IGSF3: variants seen among roughly 807,000 people sequenced by gnomAD.
IGSF3 encodes immunoglobulin superfamily member 3.
IGSF3 carries 23 observed loss-of-function variants against 114.4 expected under a neutral mutation model. That is an observed-to-expected ratio of 0.20 (90% CI 0.14 to 0.28). IGSF3 has a LOEUF of 0.28. Ranked by LOEUF, IGSF3 falls within the 10% of genes least tolerant of loss-of-function variation. The pLI is 1.00. For missense variants in IGSF3, 1,172 were observed against 1,591.5 expected (o/e 0.74, Z 4.48); for synonymous variants, 571 against 645.2 (o/e 0.88, Z 1.74).
At chr1:116,663,869 T>G (rs1649222106) in intron 2 of IGSF3, among the ~76,000 whole-genome samples, 1 of 152,206 alleles carries the variant, frequency 6.6e-6, no homozygotes, top group Non-Finnish European at 1.5e-5. Context: ...TTAAACAAAA[T>G]TTTATTCCAG....
At chr1:116,608,872 T>C (rs1248675215) in intron 4 of IGSF3, among the ~76,000 whole-genome samples, 1 of 152,068 alleles carries the variant, frequency 6.6e-6, no homozygotes, top group Non-Finnish European at 1.5e-5. Context: ...CCCCCCGCCA[T>C]GTGAATACTA....
chr1:116,597,539 G>A (rs2101410924), intron 7 of IGSF3, among the ~76,000 whole-genome samples: 1 of 152,296 alleles, frequency 6.6e-6, no homozygotes, highest in Middle Eastern at 3.4e-3. Context: ...GGCCATAAAA[G>A]TATATTACTG....
chr1:116,615,050 G>A lies in IGSF3; in HGVS notation c.422-875C>T, dbSNP rs542104526. Among the ~76,000 whole-genome samples the A allele has an allele frequency of 2.5e-3, 387 of 152,066 alleles. 2 individuals carry two copies. Among genetic ancestry groups the A allele is most frequent in the Admixed American group, 4.1e-3 (62 of 15,272 alleles). On this transcript the variant is annotated intron_variant, in intron 3 of 10. Transcript: ENST00000369486. The surrounding 1 kb of genome is among the most constrained non-coding windows in gnomAD (Gnocchi z 4.3). ...AACACTTTGGGAGGGTGAGGGAGGCGGATCACCTGAGGTCGGGAGTTCGAG... is the reference window on the plus strand; with the variant it reads ...AACACTTTGGGAGGGTGAGGGAGGCAGATCACCTGAGGTCGGGAGTTCGAG...
chr1:116,584,978 CA>C lies in IGSF3; in HGVS notation c.2514del (p.Cys838TrpfsTer9). On this transcript the variant is annotated frameshift_variant, in exon 9 of 11. Transcript: ENST00000369486. LOFTEE classifies it high-confidence loss of function. This position sits in a 1 kb window ranked among gnomAD's most constrained non-coding sequence, Gnocchi z 5.8. ...VLETRQVQLECVVLNRTSITS... is the reference protein window; with the variant it reads ...VLETRQVQLEXVVLNRTSITS... ...GTTATGCTGGTGCGGTTGAGAACCA[CA>C]CACTCCAGCTGTACCTGCCGGGTCT... is the stretch of plus-strand genomic sequence containing the variant. The C allele has an allele frequency of 6.2e-7, 1 of 1,601,870 alleles. No homozygotes were observed. The highest frequency in any genetic ancestry group is 1.1e-5 in the South Asian group (1 of 90,000).
intron 2 of IGSF3, among the ~76,000 whole-genome samples, chr1:116,637,058 T>A (rs920816999): frequency 1.3e-5 from 2 of 152,156 alleles, no homozygotes; most frequent in African/African-American, 4.8e-5. Context: ...CCACCCTCAC[T>A]GATCACAGAC....
In IGSF3 at chr1:116,661,233, C is replaced by G. The variant is rs796575024; in HGVS notation, c.43+5051G>C. Among the ~76,000 whole-genome samples, 1 of 152,142 alleles carries G rather than the reference C, an allele frequency of 6.6e-6. No homozygotes were observed. Among genetic ancestry groups the G allele is most frequent in the Non-Finnish European group, 1.5e-5 (1 of 68,024 alleles). ...GCGTGAACCCAGCAGGCGGAGGTTA[C>G]GGTGAGCCAAGATCGTGCCACTGCA... is the stretch of plus-strand genomic sequence containing the variant. On this transcript the variant is annotated intron_variant, in intron 2 of 10. Coordinates refer to ENST00000369486, the MANE Select transcript of IGSF3 (RefSeq NM_001007237.3). This position sits in a 1 kb window ranked among gnomAD's most constrained non-coding sequence, Gnocchi z 4.0.
At position 116,575,747 on chromosome 1, in the gene IGSF3, G is replaced by A. The variant is rs992387510; in HGVS notation, c.*1565C>T. ...GAACATCTTCATAAAGGGAGCAAAA[G>A]GAAATATTTGCAATTGATGATGCCC... On this transcript the variant is annotated 3_prime_UTR_variant, in exon 11 of 11. Coordinates refer to ENST00000369486, the MANE Select transcript of IGSF3 (RefSeq NM_001007237.3). The surrounding 1 kb of genome is among the most constrained non-coding windows in gnomAD (Gnocchi z 5.6). 1 of 152,228 alleles carries A rather than the reference G, an allele frequency of 6.6e-6. No homozygotes were observed. Among genetic ancestry groups the A allele is most frequent in the Non-Finnish European group, 1.5e-5 (1 of 68,054 alleles). 9.4% of individuals were successfully genotyped at this position (152,228 alleles called of 1,614,324 possible).
In IGSF3 at chr1:116,608,868, G is replaced by A. The variant is rs1832085; in HGVS notation, c.833-537C>T. Among the ~76,000 whole-genome samples the A allele has an allele frequency of 4.6e-5, 7 of 152,068 alleles. No individual in the cohort carries two copies. In the South Asian group the frequency reaches 6.2e-4, roughly 14 times the overall value. On this transcript the variant is annotated intron_variant, in intron 4 of 10. Transcript: ENST00000369486. ...TATTAAAATTCCCTCTCTACCCCCC[G>A]CCATGTGAATACTAGAAATAAGATG...
In IGSF3 at chr1:116,593,451, A is replaced by G. The variant is rs1253240639; in HGVS notation, c.2030-4347T>C. ...AGTAATGCTAGAGATAGAGGCGGCCAGTGGCTGCGGCAGGAGATGTTTCAA... is the reference window on the plus strand; with the variant it reads ...AGTAATGCTAGAGATAGAGGCGGCCGGTGGCTGCGGCAGGAGATGTTTCAA... On this transcript the variant is annotated intron_variant, in intron 7 of 10. Transcript: ENST00000369486. This position sits in a 1 kb window ranked among gnomAD's most constrained non-coding sequence, Gnocchi z 4.5. 6.6e-6 allele frequency among the ~76,000 whole-genome samples: 1 copy of G among 152,220 alleles called. No individual in the cohort carries two copies. The highest frequency in any genetic ancestry group is 1.5e-5 in the Non-Finnish European group (1 of 68,038).
Position 116,647,217 on chromosome 1 carries a change from G to A in IGSF3, c.43+19067C>T, listed in dbSNP as rs1444929716. 5.9e-5 allele frequency among the ~76,000 whole-genome samples: 9 copies of A among 152,344 alleles called. No homozygotes were observed. The East Asian group carries it at 9.6e-4, about 16-fold the overall frequency. ...GCTGAGGAATCACCTCACTGCTGCC[G>A]ATGCCCTTGACAGCGATGTCTGAGG... On this transcript the variant is annotated intron_variant, in intron 2 of 10. Transcript: ENST00000369486. The surrounding 1 kb of genome is among the most constrained non-coding windows in gnomAD (Gnocchi z 4.6).
At position 116,662,116 on chromosome 1, in the gene IGSF3, G is replaced by A. The variant is rs1460465296; in HGVS notation, c.43+4168C>T. The stretch of plus-strand genomic sequence containing the variant: ...AGACAGAGTTTTGCTCATTGCCCAG[G>A]CTGGAGTGCAACGGCGCGATCTCGG... On this transcript the variant is annotated intron_variant, in intron 2 of 10. Transcript: ENST00000369486. The surrounding 1 kb of genome is among the most constrained non-coding windows in gnomAD (Gnocchi z 4.3). 1.3e-5 allele frequency among the ~76,000 whole-genome samples: 2 copies of A among 152,038 alleles called. No homozygotes were observed. The highest frequency in any genetic ancestry group is 6.5e-5 in the Admixed American group (1 of 15,268).
rs1659797376 is a variant in IGSF3, at chr1:116,585,429, C to T, written c.2441-377G>A. Among the ~76,000 whole-genome samples, 1 of 152,096 alleles carries T rather than the reference C, an allele frequency of 6.6e-6. No homozygotes were observed. Among genetic ancestry groups the T allele is most frequent in the African/African-American group, 2.4e-5 (1 of 41,400 alleles). On this transcript the variant is annotated intron_variant, in intron 8 of 10. Transcript: ENST00000369486. This position sits in a 1 kb window ranked among gnomAD's most constrained non-coding sequence, Gnocchi z 4.9. The stretch of plus-strand genomic sequence containing the variant: ...GGCGGGGGAAGGGGATGGTGAGAAA[C>T]CTCTGAAAAGCAAGAGTAAACTTTT...
At chr1:116,590,371 GA>G (rs1332127076) in intron 7 of IGSF3, among the ~76,000 whole-genome samples, 3,812 of 134,172 alleles carry the variant, frequency 0.028, 160 homozygotes, top group African/African-American at 0.097. Context: ...TACTAAAAAT[GA>G]AAAAAAAAAA....
intron 10 of IGSF3, among the ~76,000 whole-genome samples, chr1:116,578,820 CA>C (rs1429604649): frequency 8.5e-5 from 13 of 152,272 alleles, no homozygotes; most frequent in Middle Eastern, 3.4e-3. Flanking sequence ...CCCTCAGGAT[CA>C]TGGAAACTGC....
intron 2 of IGSF3, among the ~76,000 whole-genome samples, chr1:116,641,852 CTT>C (rs879719145): frequency 1.7e-4 from 24 of 143,320 alleles, no homozygotes; most frequent in Middle Eastern, 3.7e-3. Flanking sequence ...AGATTTCTTT[CTT>C]TTTTTTTTTT....
In IGSF3 at chr1:116,625,659, A is replaced by G. The variant is rs1244213915; in HGVS notation, c.44-9202T>C. Among the ~76,000 whole-genome samples the G allele has an allele frequency of 6.6e-6, 1 of 152,224 alleles. No individual in the cohort carries two copies. The highest frequency in any genetic ancestry group is 1.5e-5 in the Non-Finnish European group (1 of 68,028). Reference sequence around the variant, plus strand: ...GCAGGACTGGAAGCAGACAGACCAAATTCACAGTCAAATGCGACAAGATGA... The same window carrying G: ...GCAGGACTGGAAGCAGACAGACCAAGTTCACAGTCAAATGCGACAAGATGA... On this transcript the variant is annotated intron_variant, in intron 2 of 10. Coordinates refer to ENST00000369486, the MANE Select transcript of IGSF3 (RefSeq NM_001007237.3). This position sits in a 1 kb window ranked among gnomAD's most constrained non-coding sequence, Gnocchi z 4.7.
Position 116,577,130 on chromosome 1 carries a change from C to T in IGSF3, c.*182G>A, listed in dbSNP as rs1659380485. 1.6e-6 allele frequency: 1 copy of T among 627,024 alleles called. No homozygotes were observed. The highest frequency in any genetic ancestry group is 3.0e-5 in the Admixed American group (1 of 33,084). The allele number at this position is 627,024 out of a possible 1,614,324, so 38.8% of individuals were successfully genotyped here. A position where few individuals can be genotyped will look rare whatever the true frequency, so the allele number is the denominator to read the frequency against. ...CATTTGCGCGCAAATAGCTAACCAA[C>T]CAAGACTGCCACCGAGAGGCAGTCT... On this transcript the variant is annotated 3_prime_UTR_variant, in exon 11 of 11. Coordinates refer to ENST00000369486, the MANE Select transcript of IGSF3 (RefSeq NM_001007237.3). This position sits in a 1 kb window ranked among gnomAD's most constrained non-coding sequence, Gnocchi z 5.7.
rs755367714 is a variant in IGSF3 at position 116,616,153 on chromosome 1, C to T, written c.348G>A (p.Gly116=). The T allele has an allele frequency of 1.9e-5, 30 of 1,613,734 alleles. No individual in the cohort carries two copies. The highest frequency in any genetic ancestry group is 2.3e-5 in the Non-Finnish European group (27 of 1,179,762). The change falls in exon 3 of 11, where the codon GGG becomes GGA. Residue 116 remains glycine (G), a synonymous_variant. Coordinates refer to ENST00000369486, the MANE Select transcript of IGSF3 (RefSeq NM_001007237.3). This position sits in a 1 kb window ranked among gnomAD's most constrained non-coding sequence, Gnocchi z 6.6. Reference sequence around the variant, plus strand: ...TGCTGGGTGTGTGGCATTCATACTCCCCGGCATCCCGGGCCTGAAGATCTG... The same window carrying T: ...TGCTGGGTGTGTGGCATTCATACTCTCCGGCATCCCGGGCCTGAAGATCTG... ...HITDLQARDA[G]EYECHTPSTD... is the part of the protein sequence containing the mutation.
At position 116,600,476 on chromosome 1, in the gene IGSF3, T is replaced by C; in HGVS notation, c.1625-131A>G. ...GGCTCTCGGAGCCCCTTTTGAGCTC[T>C]CAGGCTAGTGTTGCTTTTAGTATCC... On this transcript the variant is annotated intron_variant, in intron 6 of 10. Coordinates refer to ENST00000369486, the MANE Select transcript of IGSF3 (RefSeq NM_001007237.3). This position sits in a 1 kb window ranked among gnomAD's most constrained non-coding sequence, Gnocchi z 5.5. The C allele has an allele frequency of 1.4e-6, 1 of 700,936 alleles. No homozygotes were observed. The highest frequency in any genetic ancestry group is 2.4e-6 in the Non-Finnish European group (1 of 422,582). The allele number at this position is 700,936 out of a possible 1,614,324, so 43.4% of individuals were successfully genotyped here.
Sources: gnomAD v4.1 joint callset for allele counts (sites outside exome capture counted in the v4.1 genomes callset) on GRCh38, gnomAD v4.1.1 for gene constraint, Gnocchi (gnomAD v3.1) non-coding constraint, MANE v1.5 for transcripts, NCBI Gene and HGNC (gene_info 2026-07-23, HGNC 2026-07-21) for gene names.